The following MYCBP2 variants were observed in gnomAD, a reference collection of about 807,000 sequenced individuals.
MYCBP2 encodes E3 ubiquitin-protein ligase MYCBP2.
A neutral mutation model predicts 525.3 loss-of-function variants in MYCBP2; 120 were observed. That is an observed-to-expected ratio of 0.23 (90% CI 0.20 to 0.27). MYCBP2 has a LOEUF of 0.27. MYCBP2 is among the 10% of genes least tolerant of loss of function. The pLI is 1.00. For missense variants in MYCBP2, 4,149 were observed against 5,657.1 expected (o/e 0.73, Z 8.55); for synonymous variants, 1,894 against 1,955.8 (o/e 0.97, Z 0.83).
At chr13:77,131,377 G>A (rs528201983) in intron 52 of MYCBP2, among the ~76,000 whole-genome samples, 4 of 151,936 alleles carry the variant, frequency 2.6e-5, no homozygotes, top group South Asian at 2.1e-4. Flanking sequence ...AATATAGCTC[G>A]GCATGGTAGT....
intron 3 of MYCBP2, among the ~76,000 whole-genome samples, chr13:77,285,889 G>GAAAGGAAAGGAAAGGAAAGGAAAGC (rs1555459791): frequency 4.7e-4 from 59 of 126,086 alleles, no homozygotes; most frequent in East Asian, 1.3e-3. Flanking sequence ...GAAAGGAAAG[G>GAAAGGAAAGGAAAGGAAAGGAAAGC]AAAGGAAAGC....
At chr13:77,103,283 C>T (rs905963127) in intron 55 of MYCBP2, 11 of 397,500 alleles carry the variant, frequency 2.8e-5, no homozygotes, top group Admixed American at 1.3e-4. Flanking sequence ...AATGCGCTCA[C>T]GAGAAGCAAG....
intron 24 of MYCBP2, 25 bp from the exon 25 acceptor site, chr13:77,205,623 T>C (rs1409976486): frequency 1.0e-5 from 16 of 1,598,750 alleles, no homozygotes; most frequent in Non-Finnish European, 1.4e-5. Flanking sequence ...AAACAAAATT[T>C]AACTCCTTGA....
intron 42 of MYCBP2, among the ~76,000 whole-genome samples, chr13:77,164,811 T>C (rs2058347237): frequency 6.6e-6 from 1 of 152,192 alleles, no homozygotes; most frequent in South Asian, 2.1e-4. Flanking sequence ...TTGTATGATT[T>C]AAAACATTTA....
intron 72 of MYCBP2, 109 bp downstream of exon 72, chr13:77,065,883 T>A (rs1430950250): frequency 1.2e-5 from 8 of 651,302 alleles, no homozygotes; most frequent in African/African-American, 1.8e-5. Flanking sequence ...CAAATAGTCT[T>A]TAAGTAAAGT....
Position 77,131,395 on chromosome 13 carries a change from T to C in MYCBP2, c.7660-4853A>G, listed in dbSNP as rs1199776415. ...ATAGCTCGGCATGGTAGTACATGCC[T>C]GTAGTCACAGCTACGTGGGAAGCTG... On this transcript the variant is annotated intron_variant, in intron 52 of 82. Coordinates refer to ENST00000544440, the MANE Select transcript of MYCBP2 (RefSeq NM_015057.5). 2.0e-5 allele frequency among the ~76,000 whole-genome samples: 3 copies of C among 151,950 alleles called. No individual in the cohort carries two copies. In the East Asian group the frequency reaches 5.8e-4, roughly 29 times the overall value.
intron 32 of MYCBP2, 134 bp from the exon 33 acceptor site, chr13:77,182,056 C>A: frequency 1.6e-6 from 1 of 639,668 alleles, no homozygotes; most frequent in East Asian, 2.7e-5. Context: ...TTTAAATTGT[C>A]TTGTTATAGA....
rs71749271 is a variant in MYCBP2 at position 77,070,727 on chromosome 13, G to GAA, written c.11824-18_11824-17dup. The GAA allele has an allele frequency of 6.7e-4, 736 of 1,095,216 alleles. No homozygotes were observed. Among genetic ancestry groups the GAA allele is most frequent in the South Asian group, 1.3e-3 (76 of 57,196 alleles). The allele number at this position is 1,095,216 out of a possible 1,614,324, so 67.8% of individuals were successfully genotyped here. On this transcript the variant is annotated splice_polypyrimidine_tract_variant and intron_variant, in intron 68 of 82. Coordinates refer to ENST00000544440, the MANE Select transcript of MYCBP2 (RefSeq NM_015057.5). ...CTGATGTTGCCTTTACATAGAAAAA[G>GAA]AAAAAAAAAAAAAAGAATGAAGTGG...
At chr13:77,194,366 G>T in intron 26 of MYCBP2, 122 bp from the exon 27 acceptor site, 1 of 652,148 alleles carries the variant, frequency 1.5e-6, no homozygotes, top group Non-Finnish European at 2.7e-6. Flanking sequence ...AAAAATCAGA[G>T]TACCTGCTTT....
chr13:77,195,069 G>C (rs2061629289), intron 26 of MYCBP2, among the ~76,000 whole-genome samples: 1 of 151,744 alleles, frequency 6.6e-6, no homozygotes, highest in African/African-American at 2.4e-5. Context: ...AATTATGGAA[G>C]GTGAATTGCA....
At chr13:77,053,569 C>A (rs569575424) in intron 80 of MYCBP2, among the ~76,000 whole-genome samples, 1 of 152,330 alleles carries the variant, frequency 6.6e-6, no homozygotes, top group East Asian at 1.9e-4. Flanking sequence ...AGCTGTTTCA[C>A]TTTTCTATAT....
intron 52 of MYCBP2, among the ~76,000 whole-genome samples, chr13:77,128,222 T>C (rs905692118): frequency 2.6e-5 from 4 of 151,906 alleles, no homozygotes; most frequent in African/African-American, 9.6e-5. Context: ...CAAGATTTTC[T>C]GTAAACATTT....
At chr13:77,138,611 A>G (rs2054119588) in intron 52 of MYCBP2, among the ~76,000 whole-genome samples, 1 of 152,196 alleles carries the variant, frequency 6.6e-6, no homozygotes, top group African/African-American at 2.4e-5. Flanking sequence ...TGAAGTAGCA[A>G]TCTTGTGAAC....
chr13:77,150,882 G>A lies in MYCBP2; in HGVS notation c.6983C>T (p.Pro2328Leu), dbSNP rs747661158. ...MSLQQDQAKKPQRIPGSPAVT... is the reference protein window; with the variant it reads ...MSLQQDQAKKLQRIPGSPAVT... ...TGCAGGACTGCCAGGAATCCTTTGA[G>A]GTTTCTTTGCTTGATCTTGTTGTAA... is the stretch of plus-strand genomic sequence containing the variant. Residue 2328 changes from proline to leucine, a missense_variant, in exon 47 of 83, where the codon CCT (proline) becomes CTT (leucine). Pro to Leu is a moderately conservative substitution (Grantham distance 98). This residue lies in a region of MYCBP2 where 692 missense variants were observed against 852.7 expected (regional missense o/e 0.81). Coordinates refer to ENST00000544440, the MANE Select transcript of MYCBP2 (RefSeq NM_015057.5). The A allele has an allele frequency of 5.0e-6, 8 of 1,613,932 alleles. 1 individual carries two copies. In the Admixed American group the frequency reaches 1.3e-4, roughly 27 times the overall value.
chr13:77,233,946 T>C (rs564265534), intron 17 of MYCBP2, among the ~76,000 whole-genome samples: 28 of 151,716 alleles, frequency 1.8e-4, no homozygotes, highest in African/African-American at 6.5e-4. Context: ...CTAACCCAAA[T>C]AACATTTTGG....
rs371143304 is a variant in MYCBP2 at position 77,146,243 on chromosome 13, A to T, written c.7132-26T>A. ...CTTTAAGAAAGAGACCAGTCTGAAC[A>T]ATCGTAAAATCATTTAAAAACATTC... On this transcript the variant is annotated intron_variant, in intron 47 of 82. Coordinates refer to ENST00000544440, the MANE Select transcript of MYCBP2 (RefSeq NM_015057.5). 35 of 1,481,872 alleles carry T rather than the reference A, an allele frequency of 2.4e-5. No individual in the cohort carries two copies. In the East Asian group the frequency reaches 7.0e-4, roughly 30 times the overall value. 91.8% of individuals were successfully genotyped at this position (1,481,872 alleles called of 1,614,324 possible).
chr13:77,303,119 G>T (rs2078984910), intron 1 of MYCBP2, among the ~76,000 whole-genome samples: 2 of 152,348 alleles, frequency 1.3e-5, no homozygotes, highest in South Asian at 4.1e-4. Flanking sequence ...TGGATCATGA[G>T]GTCAGGTGTT....
chr13:77,222,006 G>A (rs547737004), intron 20 of MYCBP2, among the ~76,000 whole-genome samples: 2 of 152,214 alleles, frequency 1.3e-5, no homozygotes, highest in South Asian at 4.2e-4. Context: ...CTGTTGTTTA[G>A]GAAATAATAA....
chr13:77,166,622 G>C (rs905100017), intron 40 of MYCBP2, 68 bp from the exon 41 acceptor site: 9 of 1,014,864 alleles, frequency 8.9e-6, no homozygotes, highest in Non-Finnish European at 1.3e-5. Flanking sequence ...ATCTGCATCT[G>C]TATGTGTGTG....
Sources: gnomAD v4.1 joint callset for allele counts (sites outside exome capture counted in the v4.1 genomes callset) on GRCh38, gnomAD v4.1.1 for gene constraint, gnomAD v4.1.1 regional missense constraint, MANE v1.5 for transcripts, NCBI Gene and HGNC (gene_info 2026-07-23, HGNC 2026-07-21) for gene names.